Variants in LPAR1 observed in about 807,000 individuals in gnomAD.
LPAR1 encodes LPA receptor 1.
Under a neutral mutation model 23.8 loss-of-function variants are expected in LPAR1, and 5 were observed. The ratio of observed to expected loss-of-function variants is 0.21; its 90% CI spans 0.11 to 0.44. The LOEUF is 0.44. Ranked by LOEUF, LPAR1 falls within the 20% of genes least tolerant of loss-of-function variation. The probability of loss-of-function intolerance (pLI) is 0.99; values close to 1 mark genes in which losing one functional copy is unlikely to be tolerated. For synonymous variants in LPAR1, 160 were observed against 164.7 expected, an observed-to-expected ratio of 0.97 and a Z score of 0.22; for missense variants, 311 against 482.8, an observed-to-expected ratio of 0.64 and a Z score of 3.33.
intron 5 of LPAR1, among the ~76,000 whole-genome samples, chr9:110,904,994 G>C (rs2090718404): frequency 6.6e-6 from 1 of 152,228 alleles, no homozygotes; most frequent in Non-Finnish European, 1.5e-5. Context: ...ACCTACTGGA[G>C]CATGGACCAT....
intron 5 of LPAR1, among the ~76,000 whole-genome samples, chr9:110,892,830 C>A (rs6477792): frequency 0.13 from 7,575 of 57,704 alleles, 302 homozygotes; most frequent in African/African-American, 0.24. Flanking sequence ...GGAAGGAAGG[C>A]AGGCAGGCAG....
chr9:110,894,376 T>C (rs1419568238), intron 5 of LPAR1, among the ~76,000 whole-genome samples: 1 of 152,190 alleles, frequency 6.6e-6, no homozygotes, highest in Non-Finnish European at 1.5e-5. Flanking sequence ...ATCTGTCAAA[T>C]GAGGATATGA....
intron 5 of LPAR1, among the ~76,000 whole-genome samples, chr9:110,931,158 C>A (rs1478281938): frequency 5.9e-5 from 9 of 152,070 alleles, no homozygotes; most frequent in Admixed American, 4.6e-4. Context: ...ATTCCTTTGC[C>A]TAGGCTTACT....
chr9:110,914,696 T>C (rs993296675), intron 5 of LPAR1, among the ~76,000 whole-genome samples: 3 of 152,254 alleles, frequency 2.0e-5, no homozygotes, highest in Non-Finnish European at 4.4e-5. Flanking sequence ...AGAATGCTGA[T>C]ACTGACATGG....
chr9:110,946,298 G>A (rs2095375763), intron 4 of LPAR1, among the ~76,000 whole-genome samples: 1 of 151,976 alleles, frequency 6.6e-6, no homozygotes, highest in South Asian at 2.1e-4. Context: ...CAGAAGACAA[G>A]TAATTGCCTA....
At chr9:111,011,066 C>A (rs553109141) in intron 2 of LPAR1, among the ~76,000 whole-genome samples, 1 of 152,168 alleles carries the variant, frequency 6.6e-6, no homozygotes, top group African/African-American at 2.4e-5. Context: ...AGCTTCTACA[C>A]CTGCAAATAA....
chr9:110,915,059 G>T (rs1333466811), intron 5 of LPAR1, among the ~76,000 whole-genome samples: 1 of 152,098 alleles, frequency 6.6e-6, no homozygotes, highest in Non-Finnish European at 1.5e-5. Flanking sequence ...TCTCATTTAA[G>T]ATGCAGACAT....
intron 4 of LPAR1, among the ~76,000 whole-genome samples, chr9:110,962,325 T>G (rs2096027360): frequency 6.6e-6 from 1 of 152,158 alleles, no homozygotes; most frequent in Non-Finnish European, 1.5e-5. Context: ...TCCACTGTCT[T>G]TACCAGGTTA....
intron 2 of LPAR1, among the ~76,000 whole-genome samples, chr9:110,999,168 T>G (rs1348789036): frequency 6.6e-6 from 1 of 152,116 alleles, no homozygotes; most frequent in African/African-American, 2.4e-5. Flanking sequence ...CTCCCCAATA[T>G]GTCCACACCC....
At chr9:111,036,511 G>T (rs904839378) in intron 1 of LPAR1, among the ~76,000 whole-genome samples, 5 of 151,814 alleles carry the variant, frequency 3.3e-5, no homozygotes, top group African/African-American at 1.2e-4. Context: ...TTTTCCTACT[G>T]CTCTAACACA....
intron 4 of LPAR1, among the ~76,000 whole-genome samples, chr9:110,957,174 C>T (rs2095787198): frequency 6.6e-6 from 1 of 151,410 alleles, no homozygotes; most frequent in Non-Finnish European, 1.5e-5. Flanking sequence ...TCAAGACCAG[C>T]CTGGGCAACA....
At chr9:111,029,692 A>G (rs1173104800) in intron 2 of LPAR1, among the ~76,000 whole-genome samples, 1 of 152,028 alleles carries the variant, frequency 6.6e-6, no homozygotes, top group Non-Finnish European at 1.5e-5. Context: ...ATTTGAGTCC[A>G]TATCGCTCCA....
chr9:111,019,765 A>C (rs1238334854), intron 2 of LPAR1, among the ~76,000 whole-genome samples: 1 of 152,176 alleles, frequency 6.6e-6, no homozygotes, highest in Non-Finnish European at 1.5e-5. Flanking sequence ...GAATGGCGTG[A>C]ACCTGGGAGG....
At chr9:111,012,583 C>A (rs1253351558) in intron 2 of LPAR1, among the ~76,000 whole-genome samples, 1 of 152,006 alleles carries the variant, frequency 6.6e-6, no homozygotes, top group Non-Finnish European at 1.5e-5. Flanking sequence ...TAGAACAAGA[C>A]CCTGGTAATC....
chr9:110,972,947 A>C (rs1188513213), intron 3 of LPAR1, among the ~76,000 whole-genome samples: 1 of 150,170 alleles, frequency 6.7e-6, no homozygotes, highest in Non-Finnish European at 1.5e-5. Context: ...ACTCCTTCTC[A>C]AAAAAAAGAA....
chr9:111,037,879 C>T, intron 1 of LPAR1: 1 of 152,306 alleles, frequency 6.6e-6, no homozygotes, highest in Non-Finnish European at 1.5e-5. Flanking sequence ...CGGGCGGCTG[C>T]GGCAACTTCC....
intron 5 of LPAR1, among the ~76,000 whole-genome samples, chr9:110,878,480 A>T (rs902199262): frequency 1.3e-5 from 2 of 152,000 alleles, no homozygotes; most frequent in Non-Finnish European, 2.9e-5. Context: ...CCACACCTAA[A>T]CCCCTTTAAT....
intron 2 of LPAR1, among the ~76,000 whole-genome samples, chr9:111,030,207 C>G (rs1017793996): frequency 1.3e-5 from 2 of 152,144 alleles, no homozygotes; most frequent in East Asian, 1.9e-4. Context: ...CTTGCCCTAG[C>G]CTTTGAACCT....
chr9:110,925,493 G>T (rs989767743), intron 5 of LPAR1, among the ~76,000 whole-genome samples: 1 of 152,140 alleles, frequency 6.6e-6, no homozygotes, highest in African/African-American at 2.4e-5. Context: ...TTGATTGAAT[G>T]AATGACTAGA....
Sources: allele counts gnomAD v4.1 joint callset (sites outside exome capture counted in the v4.1 genomes callset), GRCh38; gene constraint gnomAD v4.1.1; transcripts MANE v1.5; gene names NCBI Gene and HGNC (gene_info 2026-07-23, HGNC 2026-07-21).